Variants in MGAT4C observed in about 807,000 individuals in gnomAD.
The protein encoded by MGAT4C is MGAT4 family member C.
Under a neutral mutation model 40.1 loss-of-function variants are expected in MGAT4C, and 19 were observed. That is an observed-to-expected ratio of 0.47 (90% CI 0.33 to 0.70). The LOEUF (loss-of-function observed/expected upper bound fraction) is 0.70. MGAT4C is among the 30% of genes least tolerant of loss of function. MGAT4C has a pLI of 0.02. For synonymous variants in MGAT4C, 181 were observed against 187.1 expected (o/e 0.97, Z 0.27); for missense variants, 491 against 563.2 (o/e 0.87, Z 1.30).
intron 1 of MGAT4C, among the ~76,000 whole-genome samples, chr12:86,809,132 A>C (rs149810405): frequency 1.4e-4 from 22 of 152,248 alleles, no homozygotes; most frequent in African/African-American, 5.3e-4. Flanking sequence ...GAAATCAAAG[A>C]GGACACAAAG....
chr12:86,133,003 G>C (rs190265094), intron 1 of MGAT4C, among the ~76,000 whole-genome samples: 1 of 151,970 alleles, frequency 6.6e-6, no homozygotes, highest in African/African-American at 2.4e-5. Flanking sequence ...AAAGTGACTT[G>C]TTCTTTATAT....
chr12:86,328,798 A>G (rs1189403036), intron 4 of MGAT4C, among the ~76,000 whole-genome samples: 1 of 152,106 alleles, frequency 6.6e-6, no homozygotes, highest in Non-Finnish European at 1.5e-5. Flanking sequence ...ACAACTCATA[A>G]GCTGACTTTA....
intron 3 of MGAT4C, among the ~76,000 whole-genome samples, chr12:86,385,258 TAATAAG>T (rs928248629): frequency 5.3e-5 from 8 of 152,258 alleles, no homozygotes; most frequent in African/African-American, 1.4e-4. Context: ...TAATTTATAA[TAATAAG>T]AATAATATAT....
intron 1 of MGAT4C, among the ~76,000 whole-genome samples, chr12:86,751,850 A>G (rs950156177): frequency 1.3e-5 from 2 of 152,044 alleles, no homozygotes; most frequent in African/African-American, 4.8e-5. Flanking sequence ...ATACTATTAT[A>G]ATAAGGAAAT....
intron 4 of MGAT4C, among the ~76,000 whole-genome samples, chr12:86,272,871 AT>A (rs1222242754): frequency 1.3e-5 from 2 of 152,118 alleles, no homozygotes; most frequent in African/African-American, 2.4e-5. Flanking sequence ...AAATAAATAA[AT>A]TAAATTAATT....
At chr12:86,319,616 C>A (rs1202413681) in intron 4 of MGAT4C, among the ~76,000 whole-genome samples, 1 of 152,154 alleles carries the variant, frequency 6.6e-6, no homozygotes, top group Non-Finnish European at 1.5e-5. Flanking sequence ...CATTAAAAAG[C>A]AAGTGGAATG....
chr12:86,741,110 T>A (rs1773538236), intron 1 of MGAT4C, among the ~76,000 whole-genome samples: 1 of 151,076 alleles, frequency 6.6e-6, no homozygotes, highest in Non-Finnish European at 1.5e-5. Context: ...TACTTGGTTT[T>A]CTGTTCCTGG....
At chr12:86,011,804 C>G (rs535690056) in intron 2 of MGAT4C, 5 of 983,100 alleles carry the variant, frequency 5.1e-6, no homozygotes, top group Non-Finnish European at 6.0e-6. Context: ...ACTCACCATC[C>G]TTTACCAGCT....
chr12:86,520,450 C>T (rs922548276), intron 2 of MGAT4C, among the ~76,000 whole-genome samples: 3 of 152,096 alleles, frequency 2.0e-5, no homozygotes, highest in African/African-American at 7.2e-5. Context: ...GTATATCTAC[C>T]ACATTTTCTT....
chr12:86,728,210 T>C (rs775493718), intron 1 of MGAT4C, among the ~76,000 whole-genome samples: 1 of 152,230 alleles, frequency 6.6e-6, no homozygotes, highest in Non-Finnish European at 1.5e-5. Context: ...TTAATAACTC[T>C]TGTTATGAAC....
chr12:86,017,306 G>A (rs1889191825), intron 2 of MGAT4C, among the ~76,000 whole-genome samples: 1 of 151,938 alleles, frequency 6.6e-6, no homozygotes, highest in South Asian at 2.1e-4. Context: ...CTACAGCATG[G>A]TACTCTTGAA....
intron 1 of MGAT4C, among the ~76,000 whole-genome samples, chr12:86,192,577 G>C (rs1889639987): frequency 6.6e-6 from 1 of 152,122 alleles, no homozygotes; most frequent in African/African-American, 2.4e-5. Flanking sequence ...AGCCAAAAAG[G>C]TGAAGTGCAA....
chr12:86,537,806 G>A (rs1285488738), intron 2 of MGAT4C, among the ~76,000 whole-genome samples: 1 of 152,014 alleles, frequency 6.6e-6, no homozygotes, highest in Non-Finnish European at 1.5e-5. Context: ...TTTTTTTTGG[G>A]CCAGGTGTGG....
intron 2 of MGAT4C, among the ~76,000 whole-genome samples, chr12:86,629,875 C>G (rs1962970337): frequency 1.3e-5 from 2 of 152,030 alleles, no homozygotes. Context: ...CATTCAAAAG[C>G]TAGCAGAAGG....
chr12:86,367,141 T>A (rs1468043904), intron 3 of MGAT4C, among the ~76,000 whole-genome samples: 3 of 151,870 alleles, frequency 2.0e-5, no homozygotes, highest in African/African-American at 4.8e-5. Flanking sequence ...CCAGCTCCCT[T>A]TCTAGCCTCA....
At chr12:86,763,044 T>G (rs908160228) in intron 1 of MGAT4C, among the ~76,000 whole-genome samples, 1 of 152,340 alleles carries the variant, frequency 6.6e-6, no homozygotes, top group African/African-American at 2.4e-5. Context: ...GAACAAAATC[T>G]AACACAATAA....
At chr12:86,725,926 G>C (rs1950814904) in intron 2 of MGAT4C, among the ~76,000 whole-genome samples, 1 of 152,070 alleles carries the variant, frequency 6.6e-6, no homozygotes, top group African/African-American at 2.4e-5. Context: ...ATTTTTCCTA[G>C]ACTTTTAGGA....
At chr12:86,670,374 C>T (rs182434309) in intron 2 of MGAT4C, among the ~76,000 whole-genome samples, 1 of 151,974 alleles carries the variant, frequency 6.6e-6, no homozygotes, top group Non-Finnish European at 1.5e-5. Context: ...ATCAGAACTT[C>T]TGGAATTTAA....
chr12:86,663,489 T>G (rs769704085), intron 2 of MGAT4C, among the ~76,000 whole-genome samples: 12 of 151,982 alleles, frequency 7.9e-5, no homozygotes, highest in Non-Finnish European at 1.6e-4. Flanking sequence ...TGAAACTTAG[T>G]CATTTATCAC....
Sources: gnomAD v4.1 joint callset for allele counts (sites outside exome capture counted in the v4.1 genomes callset) on GRCh38, gnomAD v4.1.1 for gene constraint, MANE v1.5 for transcripts, NCBI Gene and HGNC (gene_info 2026-07-23, HGNC 2026-07-21) for gene names.